CENPS: variants seen among roughly 807,000 people sequenced by gnomAD.
CENPS encodes centromere protein S.
A neutral mutation model predicts 17.9 loss-of-function variants in CENPS; 16 were observed. The observed-to-expected ratio is 0.90, with a 90% confidence interval of 0.61 to 1.36. The LOEUF (loss-of-function observed/expected upper bound fraction) is 1.36. CENPS is among the 40% of genes most tolerant of loss of function. The pLI, the probability that CENPS is intolerant of heterozygous loss-of-function variation, is 0.00. For synonymous variants in CENPS, 49 were observed against 55.8 expected (o/e 0.88, Z 0.54); for missense variants, 160 against 158.6 (o/e 1.01, Z -0.05).
intron 2 of CENPS, 86 bp from the exon 3 acceptor site, chr1:10,434,571 G>A (rs1210381567): frequency 6.3e-7 from 1 of 1,584,904 alleles, no homozygotes; most frequent in South Asian, 1.1e-5. Context: ...CACTGTACTG[G>A]CTGTAGAAAT....
rs943523535 is a variant in CENPS at position 10,442,288 on chromosome 1, T to C, written c.300T>C (p.Ser100=). 6.3e-7 allele frequency: 1 copy of C among 1,594,548 alleles called. No individual in the cohort carries two copies. Among genetic ancestry groups the C allele is most frequent in the Non-Finnish European group, 8.5e-7 (1 of 1,175,146 alleles). ...NSLLKYITDK[S]EEIAQINLER... is the part of the protein sequence containing the mutation. ...AGCTAAAATACATCACAGACAAAAG[T>C]GAAGAGATTGCTCAGATTAACCTAG... Residue 100 remains serine (S), a synonymous_variant, in exon 5 of 5, where the codon AGT becomes AGC. Coordinates refer to ENST00000309048, the MANE Select transcript of CENPS (RefSeq NM_199294.3).
Position 10,430,535 on chromosome 1 carries a change from G to A in CENPS, c.18G>A (p.Glu6=), listed in dbSNP as rs1639851913. The part of the protein sequence containing the change: MEEEA[E]TEEQQRFSYQ... Reference sequence around the variant, plus strand: ...CCGCAGTGATGGAGGAGGAGGCGGAGACCGAGGAGCAGCAGCGATTCTCTT... The same window carrying A: ...CCGCAGTGATGGAGGAGGAGGCGGAAACCGAGGAGCAGCAGCGATTCTCTT... The change falls in exon 1 of 5, where the codon GAG becomes GAA. Residue 6 remains glutamate (E), a synonymous_variant. Coordinates refer to ENST00000309048, the MANE Select transcript of CENPS (RefSeq NM_199294.3). 4.6e-6 allele frequency: 7 copies of A among 1,537,852 alleles called. 1 individual carries two copies. The East Asian group carries it at 1.8e-4, about 39-fold the overall frequency.
rs1639853354 is a variant in CENPS at position 10,430,563 on chromosome 1, C to G, written c.46C>G (p.Gln16Glu). The G allele has an allele frequency of 6.5e-7, 1 of 1,533,986 alleles. No individual in the cohort carries two copies. The highest frequency in any genetic ancestry group is 1.4e-5 in the African/African-American group (1 of 70,082). ...ETEEQQRFSY[Q>E]QRLKAAVHYT... Reference sequence around the variant, plus strand: ...CGAGGAGCAGCAGCGATTCTCTTACCAACAGGTACAGGAAAACGGGGGTCG... The same window carrying G: ...CGAGGAGCAGCAGCGATTCTCTTACGAACAGGTACAGGAAAACGGGGGTCG... Residue 16 changes from glutamine (Q) to glutamate (E), a missense_variant, in exon 1 of 5, where the codon CAA (glutamine) becomes GAA (glutamate). Physicochemically the swap from Gln to Glu is conservative, Grantham distance 29. Transcript: ENST00000309048.
At chr1:10,430,698 T>G in intron 1 of CENPS, 130 bp downstream of exon 1, 3 of 1,382,808 alleles carry the variant, frequency 2.2e-6, no homozygotes, top group Non-Finnish European at 1.9e-6. Flanking sequence ...CGGCTGCGCA[T>G]GCGTTGGCTT....
chr1:10,437,691 A>G lies in CENPS; in HGVS notation c.210-2656A>G, dbSNP rs1640229195. Among the ~76,000 whole-genome samples the G allele has an allele frequency of 2.0e-5, 3 of 150,250 alleles. No individual in the cohort carries two copies. In the South Asian group the frequency reaches 6.3e-4, roughly 32 times the overall value. On this transcript the variant is annotated intron_variant, in intron 3 of 4. Coordinates refer to ENST00000309048, the MANE Select transcript of CENPS (RefSeq NM_199294.3). ...AGGTTGGTCTCAAACTTATGACCTC[A>G]GGTGATCCACCCACCTCGGCCAGCC...
chr1:10,433,346 C>A (rs531103107), intron 1 of CENPS, among the ~76,000 whole-genome samples: 1 of 152,202 alleles, frequency 6.6e-6, no homozygotes, highest in African/African-American at 2.4e-5. Context: ...GAGCCTTTCC[C>A]GTGTTGTACT....
intron 1 of CENPS, chr1:10,431,336 G>C (rs1198038657): frequency 6.5e-7 from 1 of 1,535,192 alleles, no homozygotes; most frequent in African/African-American, 1.4e-5. Context: ...TTACACTGCA[G>C]CAGCTGTCTA....
chr1:10,430,497 G>C lies in CENPS; in HGVS notation c.-21G>C. 2 of 1,537,190 alleles carry C rather than the reference G, an allele frequency of 1.3e-6. No individual in the cohort carries two copies. The highest frequency in any genetic ancestry group is 1.8e-6 in the Non-Finnish European group (2 of 1,142,308). On this transcript the variant is annotated 5_prime_UTR_variant, in exon 1 of 5. Coordinates refer to ENST00000309048, the MANE Select transcript of CENPS (RefSeq NM_199294.3). ...GCCCCTTCTCGGCCCTCCTGCGTTT[G>C]CCCAGGGTCGGCCCGCAGTGATGGA...
chr1:10,433,326 G>T (rs1045989540), intron 1 of CENPS, among the ~76,000 whole-genome samples: 1 of 152,206 alleles, frequency 6.6e-6, no homozygotes, highest in African/African-American at 2.4e-5. Flanking sequence ...AGGGGTGGGT[G>T]TGCCCTCTTG....
intron 3 of CENPS, among the ~76,000 whole-genome samples, chr1:10,437,990 G>A (rs1474211659): frequency 6.6e-6 from 1 of 152,166 alleles, no homozygotes; most frequent in Non-Finnish European, 1.5e-5. Context: ...TCAAGCTCCT[G>A]ACCTCAGGTG....
chr1:10,434,060 CCAG>C (rs1557775136), intron 2 of CENPS, 95 bp downstream of exon 2: 1 of 1,565,428 alleles, frequency 6.4e-7, no homozygotes, highest in Non-Finnish European at 8.7e-7. Flanking sequence ...GCGAGTCTGA[CCAG>C]CAGACCAAGA....
chr1:10,437,400 CT>C (rs199866573), intron 3 of CENPS, among the ~76,000 whole-genome samples: 69,032 of 142,236 alleles, frequency 0.49, 16,102 homozygotes, highest in South Asian at 0.59. Context: ...TTTCTTATTT[CT>C]TTTTTTTTTT....
At chr1:10,431,473 T>G in intron 1 of CENPS, 1 of 1,483,728 alleles carries the variant, frequency 6.7e-7, no homozygotes, top group East Asian at 2.5e-5. Context: ...GCTCCCATGC[T>G]TCCCTCCCAG....
chr1:10,440,274 T>G, intron 3 of CENPS, 73 bp from the exon 4 acceptor site: 2 of 1,573,406 alleles, frequency 1.3e-6, no homozygotes, highest in Non-Finnish European at 1.7e-6. Flanking sequence ...AGTCTGACCG[T>G]GAACTTCTGT....
chr1:10,434,096 T>G, intron 2 of CENPS, 131 bp downstream of exon 2: 1 of 1,491,162 alleles, frequency 6.7e-7, no homozygotes, highest in Non-Finnish European at 9.0e-7. Context: ...TCATGCGTTC[T>G]TCGTGAAACA....
chr1:10,438,311 AT>A (rs1640261371), intron 3 of CENPS, among the ~76,000 whole-genome samples: 1 of 151,642 alleles, frequency 6.6e-6, no homozygotes, highest in Non-Finnish European at 1.5e-5. Flanking sequence ...TGCCCGGGTA[AT>A]TTTTGTCGTT....
chr1:10,442,201 G>A, intron 4 of CENPS, 64 bp from the exon 5 acceptor site: 1 of 1,520,700 alleles, frequency 6.6e-7, no homozygotes, highest in East Asian at 2.6e-5. Context: ...AGTTTCGTTT[G>A]TTTGTTTATT....
chr1:10,430,924 CGCCCG>C lies in CENPS; in HGVS notation c.51+357_51+361del, dbSNP rs139393463. 1,217 of 1,253,552 alleles carry C rather than the reference CGCCCG, an allele frequency of 9.7e-4. 11 individuals are homozygous for C. The African/African-American group carries it at 0.017, about 17-fold the overall frequency. 77.7% of individuals were successfully genotyped at this position (1,253,552 alleles called of 1,614,324 possible). On this transcript the variant is annotated intron_variant, in intron 1 of 4. Coordinates refer to ENST00000309048, the MANE Select transcript of CENPS (RefSeq NM_199294.3). ...CGTCGGCATTAGACATTCCAGGTGA[CGCCCG>C]TACGCGGTGGGCGGTTCGGGCCGGA... is the stretch of plus-strand genomic sequence containing the variant.
At chr1:10,442,243 A>G (rs1444519284) in intron 4 of CENPS, 22 bp from the exon 5 acceptor site, 2 of 1,495,822 alleles carry the variant, frequency 1.3e-6, no homozygotes. Flanking sequence ...GCCAGATATA[A>G]ATACAGATTT....
Sources: gnomAD v4.1 joint callset for allele counts (sites outside exome capture counted in the v4.1 genomes callset) on GRCh38, gnomAD v4.1.1 for gene constraint, MANE v1.5 for transcripts, NCBI Gene and HGNC (gene_info 2026-07-23, HGNC 2026-07-21) for gene names.